The following PKIB variants were observed in gnomAD, a reference collection of about 807,000 sequenced individuals.
PKIB encodes the protein PKI-beta.
A neutral mutation model predicts 4.5 loss-of-function variants in PKIB; 2 were observed. The ratio of observed to expected loss-of-function variants is 0.44; its 90% confidence interval spans 0.18 to 1.39. The LOEUF is 1.39. PKIB is among the 40% of genes most tolerant of loss of function. The pLI, the probability that PKIB is intolerant of heterozygous loss-of-function variation, is 0.27. For missense variants in PKIB, 94 were observed against 92.6 expected, an observed-to-expected ratio of 1.02 and a Z score of -0.06; for synonymous variants, 38 against 36.0, an observed-to-expected ratio of 1.06 and a Z score of -0.20.
intron 3 of PKIB, among the ~76,000 whole-genome samples, chr6:122,602,887 C>A (rs1774418830): frequency 7.1e-6 from 1 of 140,512 alleles, no homozygotes; most frequent in Admixed American, 8.0e-5. Context: ...ACCCAGGAGG[C>A]AGAAGTTGCA....
At chr6:122,660,209 C>T (rs1776930079) in intron 2 of PKIB, among the ~76,000 whole-genome samples, 2 of 152,138 alleles carry the variant, frequency 1.3e-5, no homozygotes, top group South Asian at 2.1e-4. Context: ...ATATGCACTT[C>T]CACTATTGTG....
At chr6:122,704,661 A>G (rs1290504366) in intron 3 of PKIB, among the ~76,000 whole-genome samples, 2 of 152,114 alleles carry the variant, frequency 1.3e-5, no homozygotes, top group African/African-American at 4.8e-5. Context: ...ACTTAGATAT[A>G]TGCTAAGGTA....
intron 3 of PKIB, among the ~76,000 whole-genome samples, chr6:122,703,082 A>G (rs1778897303): frequency 1.3e-5 from 2 of 152,194 alleles, no homozygotes; most frequent in African/African-American, 2.4e-5. Context: ...CTCTTACGAA[A>G]CAAGCTTCAA....
chr6:122,498,138 G>C (rs1038835047), intron 2 of PKIB, among the ~76,000 whole-genome samples: 1 of 152,164 alleles, frequency 6.6e-6, no homozygotes, highest in Admixed American at 6.5e-5. Context: ...TTATGCTGCT[G>C]ATAAAGACAT....
chr6:122,639,543 C>T lies in PKIB; in HGVS notation c.-76+6176C>T, dbSNP rs147466992. The stretch of plus-strand genomic sequence containing the variant: ...GCAATTCTCCAGAGTCTGTGAATCA[C>T]TAGCATGGAAATTTTGAACTAGAGA... On this transcript the variant is annotated intron_variant, in intron 2 of 4. Transcript: ENST00000368452. Among the ~76,000 whole-genome samples the T allele has an allele frequency of 7.9e-5, 12 of 152,276 alleles. No homozygotes were observed. In the East Asian group the frequency reaches 1.9e-3, roughly 25 times the overall value.
chr6:122,718,763 C>T (rs1779607676), intron 4 of PKIB, among the ~76,000 whole-genome samples: 2 of 152,106 alleles, frequency 1.3e-5, no homozygotes, highest in South Asian at 2.1e-4. Flanking sequence ...AAGAAGAAGG[C>T]TCTTGGTTCT....
At chr6:122,502,908 A>C (rs1012798750) in intron 2 of PKIB, among the ~76,000 whole-genome samples, 5 of 152,188 alleles carry the variant, frequency 3.3e-5, no homozygotes, top group African/African-American at 1.2e-4. Context: ...GGCTGCTATA[A>C]CTATACACTG....
At chr6:122,540,956 G>A (rs1439946886) in intron 2 of PKIB, among the ~76,000 whole-genome samples, 1 of 150,926 alleles carries the variant, frequency 6.6e-6, no homozygotes, top group Non-Finnish European at 1.5e-5. Context: ...TGTCTCTTTT[G>A]ATCTTTGTTG....
chr6:122,686,490 A>T (rs927049374), intron 3 of PKIB, among the ~76,000 whole-genome samples: 25 of 150,638 alleles, frequency 1.7e-4, no homozygotes, highest in African/African-American at 5.6e-4. Flanking sequence ...TTGCCCATTT[A>T]TATATATATA....
intron 1 of PKIB, among the ~76,000 whole-genome samples, chr6:122,477,425 G>A (rs1263538324): frequency 6.6e-6 from 1 of 152,188 alleles, no homozygotes; most frequent in Non-Finnish European, 1.5e-5. Flanking sequence ...AATCAGATAT[G>A]AGAGATTTGT....
intron 2 of PKIB, among the ~76,000 whole-genome samples, chr6:122,577,907 T>C (rs1391854699): frequency 2.3e-5 from 3 of 132,206 alleles, no homozygotes; most frequent in Non-Finnish European, 3.2e-5. Context: ...AGACTCCGTC[T>C]CAAAAAAAAA....
chr6:122,646,337 C>T (rs953040610), intron 2 of PKIB, among the ~76,000 whole-genome samples: 1 of 152,154 alleles, frequency 6.6e-6, no homozygotes, highest in African/African-American at 2.4e-5. Context: ...CTACATCAAA[C>T]CAGGGCCTTC....
At chr6:122,676,070 A>T (rs769959815) in intron 3 of PKIB, among the ~76,000 whole-genome samples, 5 of 152,022 alleles carry the variant, frequency 3.3e-5, no homozygotes, top group Non-Finnish European at 7.4e-5. Context: ...ATTGTAATAT[A>T]TAATGAAATA....
chr6:122,508,753 A>C (rs1475470654), intron 2 of PKIB, among the ~76,000 whole-genome samples: 4 of 152,040 alleles, frequency 2.6e-5, no homozygotes, highest in Non-Finnish European at 5.9e-5. Flanking sequence ...TGGCTGATTA[A>C]AATTTTTTTT....
At chr6:122,720,335 C>G (rs1251920123) in intron 4 of PKIB, among the ~76,000 whole-genome samples, 2 of 151,948 alleles carry the variant, frequency 1.3e-5, no homozygotes, top group Non-Finnish European at 2.9e-5. Context: ...ATAAAAAGGT[C>G]AATGATATTT....
chr6:122,717,486 C>G (rs1017428481), intron 3 of PKIB: 7 of 397,234 alleles, frequency 1.8e-5, no homozygotes, highest in Non-Finnish European at 3.1e-5. Flanking sequence ...TTTGGCTGAT[C>G]CATCCACAGA....
At position 122,662,308 on chromosome 6, in the gene PKIB, CTTTTTTTTTTTTTTTTT is replaced by C. The variant is rs71021412; in HGVS notation, c.-75-12757_-75-12741del. 6.8e-4 allele frequency among the ~76,000 whole-genome samples: 9 copies of C among 13,252 alleles called. 1 individual carries two copies. The highest frequency in any genetic ancestry group is 1.4e-3 in the Non-Finnish European group (9 of 6,648). The allele number at this position is 13,252 out of a possible 152,430, so 8.7% of individuals were successfully genotyped here. On this transcript the variant is annotated intron_variant, in intron 2 of 4. Transcript: ENST00000368452. Reference sequence around the variant, plus strand: ...CTCTCCTTCTTTCTTTCCTTGTCTCCTTTTTTTTTTTTTTTTTTTTTTTTTTTTTGGAGATTCATTCT... The same window carrying C: ...CTCTCCTTCTTTCTTTCCTTGTCTCCTTTTTTTTTTTTGGAGATTCATTCT...
chr6:122,574,500 A>T (rs1313945807), intron 2 of PKIB, among the ~76,000 whole-genome samples: 2 of 152,138 alleles, frequency 1.3e-5, no homozygotes, highest in Non-Finnish European at 2.9e-5. Flanking sequence ...ACATTACCCA[A>T]CTTTAAATTA....
intron 2 of PKIB, among the ~76,000 whole-genome samples, chr6:122,580,802 T>C (rs1380077856): frequency 6.6e-6 from 1 of 152,206 alleles, no homozygotes; most frequent in Non-Finnish European, 1.5e-5. Flanking sequence ...TGTTAATGGA[T>C]AAACGAAACA....
Sources: allele counts gnomAD v4.1 joint callset (sites outside exome capture counted in the v4.1 genomes callset), GRCh38; gene constraint gnomAD v4.1.1; transcripts MANE v1.5; gene names NCBI Gene and HGNC (gene_info 2026-07-23, HGNC 2026-07-21).